Variants in CLTCL1 observed in about 807,000 individuals in gnomAD.
CLTCL1 encodes clathrin heavy chain 2.
In CLTCL1, 159 loss-of-function variants were observed where a neutral mutation model predicts 190.0. That is an observed-to-expected ratio of 0.84 (90% CI 0.74 to 0.95). The LOEUF (loss-of-function observed/expected upper bound fraction) is 0.95, where lower values mean the gene tolerates loss of function less well. CLTCL1 is among the 40% of genes least tolerant of loss of function. The probability of loss-of-function intolerance (pLI) is 0.00; values close to 1 mark genes in which losing one functional copy is unlikely to be tolerated. For missense variants in CLTCL1, 1,878 were observed against 2,033.4 expected (o/e 0.92, Z 1.47); for synonymous variants, 752 against 769.6 (o/e 0.98, Z 0.38).
At chr22:19,185,569 G>T (rs1245708958) in intron 29 of CLTCL1, among the ~76,000 whole-genome samples, 1 of 152,016 alleles carries the variant, frequency 6.6e-6, no homozygotes, top group South Asian at 2.1e-4. Flanking sequence ...CCTGTGATCC[G>T]CCCGCCTCGG....
At chr22:19,202,780 A>G (rs1280780009) in intron 22 of CLTCL1, among the ~76,000 whole-genome samples, 1 of 152,118 alleles carries the variant, frequency 6.6e-6, no homozygotes, top group Non-Finnish European at 1.5e-5. Context: ...CGATTCCTCA[A>G]GCTGAGTATT....
chr22:19,218,769 C>T (rs1374521133), intron 18 of CLTCL1, among the ~76,000 whole-genome samples: 1 of 152,250 alleles, frequency 6.6e-6, no homozygotes, highest in Non-Finnish European at 1.5e-5. Context: ...GGCTCTTCCA[C>T]AGGGCTGTGG....
At chr22:19,270,841 C>G (rs79406723) in intron 2 of CLTCL1, among the ~76,000 whole-genome samples, 1 of 150,392 alleles carries the variant, frequency 6.6e-6, no homozygotes, top group Non-Finnish European at 1.5e-5. Flanking sequence ...CTTGGTGGTA[C>G]GCTGTCAGGA....
At chr22:19,282,699 G>A (rs118135362) in intron 1 of CLTCL1, among the ~76,000 whole-genome samples, 2,034 of 151,762 alleles carry the variant, frequency 0.013, 24 homozygotes, top group Non-Finnish European at 0.019. Flanking sequence ...ACAATGAGTG[G>A]GGAACTCATT....
intron 4 of CLTCL1, among the ~76,000 whole-genome samples, chr22:19,242,236 C>T (rs782387887): frequency 1.6e-4 from 24 of 152,002 alleles, no homozygotes; most frequent in Admixed American, 6.6e-5. Flanking sequence ...AGCTACCGCA[C>T]CTGGCTGCCT....
At chr22:19,215,973 A>G (rs1232318307) in intron 19 of CLTCL1, 138 bp downstream of exon 19, 61 of 719,050 alleles carry the variant, frequency 8.5e-5, no homozygotes, top group Non-Finnish European at 1.3e-4. Context: ...AGGAGGTGGT[A>G]AGAAGATTGG....
chr22:19,235,681 G>A lies in CLTCL1; in HGVS notation c.969+15C>T, dbSNP rs373094922. On this transcript the variant is annotated intron_variant, in intron 6 of 32. Coordinates refer to ENST00000427926, the MANE Select transcript of CLTCL1 (RefSeq NM_007098.4). ...GAATGGAAAAGGTAGAAAATGAAAT[G>A]TCAGAGTTACACACCTGTCCCTTTT... 29 of 1,603,730 alleles carry A rather than the reference G, an allele frequency of 1.8e-5. No individual in the cohort carries two copies. The highest frequency in any genetic ancestry group is 2.7e-5 in the African/African-American group (2 of 74,596).
At chr22:19,216,032 G>A (rs1347298361) in intron 19 of CLTCL1, 79 bp downstream of exon 19, 15 of 1,412,276 alleles carry the variant, frequency 1.1e-5, no homozygotes, top group African/African-American at 8.5e-5. Context: ...GAAGCGGTAC[G>A]AGATTGTAAC....
intron 18 of CLTCL1, among the ~76,000 whole-genome samples, chr22:19,217,938 C>T (rs1405279144): frequency 6.6e-6 from 1 of 152,026 alleles, no homozygotes; most frequent in African/African-American, 2.4e-5. Flanking sequence ...AAATAAATTT[C>T]TACCATCTGT....
At chr22:19,260,625 A>G (rs910798434) in intron 2 of CLTCL1, among the ~76,000 whole-genome samples, 5 of 151,822 alleles carry the variant, frequency 3.3e-5, no homozygotes, top group African/African-American at 1.2e-4. Context: ...TAAAAATACA[A>G]AAAATTAGCC....
At chr22:19,187,085 C>T (rs1780640) in intron 29 of CLTCL1, among the ~76,000 whole-genome samples, 113,394 of 151,166 alleles carry the variant, frequency 0.75, 43,739 homozygotes, top group East Asian at 0.94. Context: ...ATGTCCATCA[C>T]TACACTTGGC....
chr22:19,239,186 C>A, intron 5 of CLTCL1, 89 bp downstream of exon 5: 1 of 992,524 alleles, frequency 1.0e-6, no homozygotes. Flanking sequence ...ACAGCAGAAG[C>A]AGACTAAAAA....
Position 19,180,603 on chromosome 22 carries a change from T to G in CLTCL1, c.4903+128A>C, listed in dbSNP as rs551504016. 3,934 of 867,776 alleles carry G rather than the reference T, an allele frequency of 4.5e-3. 16 individuals are homozygous for G. Among genetic ancestry groups the G allele is most frequent in the Non-Finnish European group, 5.8e-3 (3,147 of 545,516 alleles). The allele number at this position is 867,776 out of a possible 1,614,324, so 53.8% of individuals were successfully genotyped here. On this transcript the variant is annotated intron_variant, in intron 31 of 32. Coordinates refer to ENST00000427926, the MANE Select transcript of CLTCL1 (RefSeq NM_007098.4). ...ACACTTCTCCACACCCAGTAGCCAC[T>G]GGGATCCTTCCAGCCCCCACCCATC...
At chr22:19,225,976 T>C (rs1257399665) in intron 12 of CLTCL1, among the ~76,000 whole-genome samples, 4 of 152,260 alleles carry the variant, frequency 2.6e-5, no homozygotes, top group East Asian at 1.9e-4. Flanking sequence ...CTCCTGCTAT[T>C]AGACTAAGTC....
At chr22:19,271,299 T>C (rs2087309325) in intron 2 of CLTCL1, among the ~76,000 whole-genome samples, 1 of 152,160 alleles carries the variant, frequency 6.6e-6, no homozygotes, top group Non-Finnish European at 1.5e-5. Flanking sequence ...AGGGACCTGG[T>C]GGGAGGTGAC....
chr22:19,232,660 A>C (rs2085953886), intron 9 of CLTCL1, 62 bp from the exon 10 acceptor site: 3 of 1,544,266 alleles, frequency 1.9e-6, no homozygotes, highest in Non-Finnish European at 2.6e-6. Context: ...TAGAAAAGGA[A>C]GTTATCCATC....
Position 19,201,358 on chromosome 22 carries a change from T to C in CLTCL1, c.3736A>G (p.Lys1246Glu), listed in dbSNP as rs1555939162. ...EYQAAVDNSR[K>E]ASSTRTWKEV... ...TTCCACGTCCGGGTGCTGCTGGCCT[T>C]GCGGCTGTTGTCCACTGCTGCCTGA... Residue 1246 changes from lysine (K) to glutamate (E), a missense_variant, in exon 23 of 33, where the codon AAG becomes GAG. Physicochemically the swap from Lys to Glu is moderately conservative, Grantham distance 56. Coordinates refer to ENST00000427926, the MANE Select transcript of CLTCL1 (RefSeq NM_007098.4). 2 of 1,612,818 alleles carry C rather than the reference T, an allele frequency of 1.2e-6. No homozygotes were observed. Among genetic ancestry groups the C allele is most frequent in the East Asian group, 2.2e-5 (1 of 44,878 alleles).
intron 1 of CLTCL1, among the ~76,000 whole-genome samples, chr22:19,283,263 T>G (rs1422629457): frequency 2.0e-5 from 3 of 151,794 alleles, no homozygotes; most frequent in Non-Finnish European, 4.4e-5. Context: ...AGCTACACAT[T>G]TTTAAAAAAA....
intron 22 of CLTCL1, among the ~76,000 whole-genome samples, chr22:19,203,934 C>T (rs1207062810): frequency 6.6e-6 from 1 of 152,244 alleles, no homozygotes; most frequent in Non-Finnish European, 1.5e-5. Flanking sequence ...TCTCCTCACA[C>T]CCCACTTGGC....
Sources: allele counts gnomAD v4.1 joint callset (sites outside exome capture counted in the v4.1 genomes callset), GRCh38; gene constraint gnomAD v4.1.1; transcripts MANE v1.5; gene names NCBI Gene and HGNC (gene_info 2026-07-23, HGNC 2026-07-21).